The following LGALS12 variants were observed in gnomAD, a reference collection of about 807,000 sequenced individuals.
The protein encoded by LGALS12 is galectin-12.
LGALS12 carries 36 observed loss-of-function variants against 36.8 expected under a neutral mutation model. The ratio of observed to expected loss-of-function variants is 0.98; its 90% CI spans 0.75 to 1.29. The LOEUF is 1.29. Ranked by LOEUF, LGALS12 falls within the 50% of genes most tolerant of loss-of-function variation. The pLI is 0.00. For missense variants in LGALS12, 366 were observed against 394.3 expected (o/e 0.93, Z 0.61); for synonymous variants, 145 against 155.9 (o/e 0.93, Z 0.52).
intron 7 of LGALS12, 90 bp from the exon 8 acceptor site, chr11:63,515,473 C>T: frequency 6.7e-7 from 1 of 1,491,572 alleles, no homozygotes; most frequent in Non-Finnish European, 9.1e-7. Flanking sequence ...CTTCCATCCA[C>T]TCCCTGACCT....
chr11:63,515,565 T>A lies in LGALS12; in HGVS notation c.650T>A (p.Phe217Tyr), dbSNP rs1381375527. ...RGLVLQEPKH[F>Y]TVSLRDQAAH... ...CTCCTTCCTCCTGCTTCCTGCAGTT[T>A]TACTGTGAGCCTGAGGGACCAGGCT... The change falls in exon 8 of 9, where the codon TTT becomes TAT. Residue 217 changes from phenylalanine (F) to tyrosine (Y), a missense_variant and splice_region_variant. Physicochemically the swap from Phe to Tyr is conservative, Grantham distance 22. Transcript: ENST00000394618. The A allele has an allele frequency of 6.2e-7, 1 of 1,614,154 alleles. No individual in the cohort carries two copies. The highest frequency in any genetic ancestry group is 1.1e-5 in the South Asian group (1 of 91,086).
intron 3 of LGALS12, 107 bp downstream of exon 3, chr11:63,509,098 T>C: frequency 3.2e-6 from 3 of 928,396 alleles, no homozygotes; most frequent in Non-Finnish European, 5.0e-6. Context: ...TTGGTAGTGG[T>C]CAGGTACCAA....
intron 3 of LGALS12, among the ~76,000 whole-genome samples, chr11:63,509,459 G>T (rs1317395909): frequency 6.6e-6 from 1 of 152,170 alleles, no homozygotes; most frequent in Non-Finnish European, 1.5e-5. Context: ...GCAGCTGGCG[G>T]GAGGGTAGCC....
intron 3 of LGALS12, 114 bp from the exon 4 acceptor site, chr11:63,509,664 C>T (rs1018933515): frequency 3.4e-5 from 36 of 1,048,928 alleles, no homozygotes; most frequent in South Asian, 2.4e-4. Flanking sequence ...ATAGAGATGA[C>T]GTGAAGTTAA....
chr11:63,509,776 A>C lies in LGALS12; in HGVS notation c.373-2A>C, dbSNP rs1590645633. 1 of 1,613,984 alleles carries C rather than the reference A, an allele frequency of 6.2e-7. No homozygotes were observed. The highest frequency in any genetic ancestry group is 1.3e-5 in the African/African-American group (1 of 74,944). On this transcript the variant is annotated splice_acceptor_variant, in intron 3 of 8. Transcript: ENST00000394618. LOFTEE classifies it high-confidence loss of function. The stretch of plus-strand genomic sequence containing the variant: ...TAAGCCAGCCTCTGTCTGTCTCTCC[A>C]GGTGAGTGTGAATGGACAGCACTTT...
At chr11:63,506,821 G>C (rs2016756012) in intron 1 of LGALS12, among the ~76,000 whole-genome samples, 1 of 152,184 alleles carries the variant, frequency 6.6e-6, no homozygotes, top group African/African-American at 2.4e-5. Flanking sequence ...GAGGGTGTGG[G>C]GGTAGGATTG....
At chr11:63,508,194 C>A in intron 1 of LGALS12, 2 of 1,132,222 alleles carry the variant, frequency 1.8e-6, no homozygotes, top group Non-Finnish European at 1.1e-6. Flanking sequence ...CCTCAGAAAG[C>A]CCCAGTACCA....
rs777189330 is a variant in LGALS12, at chr11:63,516,491, C to T, written c.*98C>T. On this transcript the variant is annotated 3_prime_UTR_variant, in exon 9 of 9. Coordinates refer to ENST00000394618, the MANE Select transcript of LGALS12 (RefSeq NM_033101.4). Reference sequence around the variant, plus strand: ...CATTAAACCATCCACCTGACACCAGCACATCAGGCCTGGTTCACCTCTGGG... The same window carrying T: ...CATTAAACCATCCACCTGACACCAGTACATCAGGCCTGGTTCACCTCTGGG... 1.5e-6 allele frequency: 2 copies of T among 1,378,198 alleles called. No individual in the cohort carries two copies. Among genetic ancestry groups the T allele is most frequent in the Admixed American group, 1.8e-5 (1 of 55,712 alleles). The allele number at this position is 1,378,198 out of a possible 1,614,324, so 85.4% of individuals were successfully genotyped here.
At position 63,516,457 on chromosome 11, in the gene LGALS12, T is replaced by C; in HGVS notation, c.*64T>C. On this transcript the variant is annotated 3_prime_UTR_variant, in exon 9 of 9. Transcript: ENST00000394618. ...TCAGCCCACTCCCAGGGCCCCACTC[T>C]CCTCCCCTCATTAAACCATCCACCT... 6.3e-7 allele frequency: 1 copy of C among 1,583,452 alleles called. No homozygotes were observed. The highest frequency in any genetic ancestry group is 8.6e-7 in the Non-Finnish European group (1 of 1,157,614).
intron 5 of LGALS12, among the ~76,000 whole-genome samples, 169 bp from the exon 6 acceptor site, chr11:63,510,910 G>A (rs73490106): frequency 0.023 from 3,559 of 152,310 alleles, 146 homozygotes; most frequent in African/African-American, 0.08. Flanking sequence ...TTATTCCAGC[G>A]CTGGTGAACC....
In LGALS12 at chr11:63,515,617, C is replaced by G. The variant is rs766576570; in HGVS notation, c.702C>G (p.Ala234=). The G allele has an allele frequency of 8.7e-6, 14 of 1,614,230 alleles. No individual in the cohort carries two copies. Among genetic ancestry groups the G allele is most frequent in the Middle Eastern group, 1.6e-4 (1 of 6,062 alleles). ...CCCATGCTCCTGTGACACTCAGGGC[C>G]TCCTTCGCAGACAGAACTCTGGCCT... ...QAAHAPVTLR[A]SFADRTLAWI... is the part of the protein sequence containing the mutation. The change falls in exon 8 of 9, where the codon GCC becomes GCG. Residue 234 remains alanine, a synonymous_variant. Transcript: ENST00000394618.
At chr11:63,508,046 C>T (rs777048321) in intron 1 of LGALS12, 197 of 998,860 alleles carry the variant, frequency 2.0e-4, no homozygotes, top group Non-Finnish European at 2.3e-4. Context: ...GCCCAGGTAA[C>T]TTCTACATGG....
chr11:63,515,401 A>G (rs1243878880), intron 7 of LGALS12, among the ~76,000 whole-genome samples, 162 bp from the exon 8 acceptor site: 1 of 152,238 alleles, frequency 6.6e-6, no homozygotes, highest in East Asian at 1.9e-4. Context: ...TGTTCTGAGC[A>G]TTCAGCCATG....
chr11:63,507,035 CA>C (rs961918872), intron 1 of LGALS12, among the ~76,000 whole-genome samples: 4 of 152,178 alleles, frequency 2.6e-5, no homozygotes, highest in Non-Finnish European at 5.9e-5. Flanking sequence ...TACTAATGAG[CA>C]TTAATTATCA....
At chr11:63,509,038 C>T (rs757740361) in intron 3 of LGALS12, 47 bp downstream of exon 3, 26 of 1,461,392 alleles carry the variant, frequency 1.8e-5, no homozygotes, top group South Asian at 8.2e-5. Flanking sequence ...TGTGTCCTTG[C>T]GCCCTTCCTT....
Position 63,508,640 on chromosome 11 carries a change from A to G in LGALS12, c.157A>G (p.Arg53Gly). 6.2e-7 allele frequency: 1 copy of G among 1,614,058 alleles called. No homozygotes were observed. Among genetic ancestry groups the G allele is most frequent in the East Asian group, 2.2e-5 (1 of 44,856 alleles). The change falls in exon 2 of 9, where the codon AGG (arginine) becomes GGG (glycine). Residue 53 changes from arginine (R) to glycine (G), a missense_variant and splice_region_variant. Physicochemically the swap from Arg to Gly is moderately radical, Grantham distance 125. Coordinates refer to ENST00000394618, the MANE Select transcript of LGALS12 (RefSeq NM_033101.4). ...AGGAGTGGTCCCTCTAGATGCACAC[A>G]GGTAAGGCGGGGGAGGTGGCCCAGG... is the stretch of plus-strand genomic sequence containing the variant. ...LQGVVPLDAHRFQVDFQCGCS... is the reference protein window; with the variant it reads ...LQGVVPLDAHGFQVDFQCGCS...
chr11:63,513,840 G>C (rs2016997682), intron 7 of LGALS12, among the ~76,000 whole-genome samples: 1 of 152,078 alleles, frequency 6.6e-6, no homozygotes, highest in South Asian at 2.1e-4. Context: ...TGGGCATCTG[G>C]TGATTTGTGA....
chr11:63,511,698 T>C, intron 6 of LGALS12, 54 bp from the exon 7 acceptor site: 1 of 1,332,426 alleles, frequency 7.5e-7, no homozygotes, highest in Non-Finnish European at 1.1e-6. Flanking sequence ...GGATGGGCGG[T>C]CCTCCCCAGT....
rs757528296 is a variant in LGALS12 at position 63,511,764 on chromosome 11, T to C, written c.571T>C (p.Ser191Pro). The C allele has an allele frequency of 5.0e-6, 8 of 1,613,236 alleles. No homozygotes were observed. The highest frequency in any genetic ancestry group is 6.8e-6 in the Non-Finnish European group (8 of 1,179,558). The change falls in exon 7 of 9, where the codon TCA becomes CCA. Residue 191 changes from serine to proline, a missense_variant. Ser to Pro is a moderately conservative substitution (Grantham distance 74). Coordinates refer to ENST00000394618, the MANE Select transcript of LGALS12 (RefSeq NM_033101.4). Reference sequence around the variant, plus strand: ...CTTGTTCCTTCAGGAGGTGCCCTGCTCACATGCTCTTCCCCAGGGTCTCTC... The same window carrying C: ...CTTGTTCCTTCAGGAGGTGCCCTGCCCACATGCTCTTCCCCAGGGTCTCTC... ...LMSPRLEVPC[S>P]HALPQGLSPG...
Sources: allele counts gnomAD v4.1 joint callset (sites outside exome capture counted in the v4.1 genomes callset), GRCh38; gene constraint gnomAD v4.1.1; transcripts MANE v1.5; gene names NCBI Gene and HGNC (gene_info 2026-07-23, HGNC 2026-07-21).